ERBB4: variants seen among roughly 807,000 people sequenced by gnomAD.
ERBB4 encodes the protein receptor tyrosine-protein kinase erbB-4.
Under a neutral mutation model 158.0 loss-of-function variants are expected in ERBB4, and 42 were observed. The ratio of observed to expected loss-of-function variants is 0.27; its 90% CI spans 0.21 to 0.34. The LOEUF (loss-of-function observed/expected upper bound fraction) is 0.34. Ranked by LOEUF, ERBB4 falls within the 10% of genes least tolerant of loss-of-function variation. The pLI, the probability that ERBB4 is intolerant of heterozygous loss-of-function variation, is 1.00. For synonymous variants in ERBB4, 583 were observed against 558.7 expected, an observed-to-expected ratio of 1.04 and a Z score of -0.61; for missense variants, 1,333 against 1,624.1, an observed-to-expected ratio of 0.82 and a Z score of 3.08.
intron 3 of ERBB4, among the ~76,000 whole-genome samples, chr2:211,862,767 G>A (rs1304847000): frequency 1.3e-5 from 2 of 152,174 alleles, no homozygotes; most frequent in East Asian, 3.8e-4. Flanking sequence ...AAAATAAAGT[G>A]TGAGTAAGAT....
intron 3 of ERBB4, among the ~76,000 whole-genome samples, chr2:211,889,214 A>T (rs2078895721): frequency 6.9e-6 from 1 of 144,970 alleles, no homozygotes; most frequent in South Asian, 2.1e-4. Flanking sequence ...GAACCCGCAG[A>T]CTGCCTCCTC....
At chr2:212,467,938 A>G (rs1003567139) in intron 1 of ERBB4, among the ~76,000 whole-genome samples, 5 of 152,226 alleles carry the variant, frequency 3.3e-5, no homozygotes, top group Non-Finnish European at 7.3e-5. Flanking sequence ...TTGCATCAGC[A>G]TGACCTGGAT....
intron 20 of ERBB4, among the ~76,000 whole-genome samples, chr2:211,503,893 T>G (rs112295547): frequency 6.6e-6 from 1 of 152,234 alleles, no homozygotes; most frequent in Non-Finnish European, 1.5e-5. Flanking sequence ...GAGAGCCTGG[T>G]TGCAGGATTG....
At chr2:211,733,778 G>T (rs562010674) in intron 5 of ERBB4, among the ~76,000 whole-genome samples, 1 of 151,246 alleles carries the variant, frequency 6.6e-6, no homozygotes, top group Non-Finnish European at 1.5e-5. Context: ...ACTCAATTTT[G>T]CAATAAAAAT....
At chr2:212,402,522 C>CTG (rs1304121883) in intron 1 of ERBB4, among the ~76,000 whole-genome samples, 1 of 151,914 alleles carries the variant, frequency 6.6e-6, no homozygotes, top group African/African-American at 2.4e-5. Flanking sequence ...TGAATAAGAC[C>CTG]AGTAGATGGT....
At chr2:212,102,382 T>C (rs1559501347) in intron 2 of ERBB4, among the ~76,000 whole-genome samples, 1 of 151,832 alleles carries the variant, frequency 6.6e-6, no homozygotes, top group Non-Finnish European at 1.5e-5. Context: ...GACCATAACG[T>C]GTTGATATCT....
At chr2:211,439,208 G>A (rs932952355) in intron 20 of ERBB4, among the ~76,000 whole-genome samples, 29 of 152,258 alleles carry the variant, frequency 1.9e-4, no homozygotes, top group Non-Finnish European at 7.4e-5. Flanking sequence ...TTCCTGGACA[G>A]ACTTACAAAA....
chr2:212,102,559 G>A (rs13025159), intron 2 of ERBB4, among the ~76,000 whole-genome samples: 61,735 of 151,846 alleles, frequency 0.41, 13,366 homozygotes, highest in Non-Finnish European at 0.48. Context: ...TTTCTAAAAT[G>A]TCGTGTGATT....
intron 3 of ERBB4, among the ~76,000 whole-genome samples, chr2:211,902,769 T>TA (rs770637201): frequency 3.3e-5 from 5 of 151,802 alleles, no homozygotes; most frequent in Non-Finnish European, 7.4e-5. Flanking sequence ...TTTTGAACTA[T>TA]AAAAAATCAT....
chr2:211,571,033 CTCT>C (rs1232514090), intron 19 of ERBB4, among the ~76,000 whole-genome samples: 81 of 113,228 alleles, frequency 7.2e-4, no homozygotes, highest in Middle Eastern at 4.4e-3. Flanking sequence ...TCTCTGAGTA[CTCT>C]TCTTCTTTTT....
chr2:211,601,808 G>T (rs778728440), intron 19 of ERBB4, among the ~76,000 whole-genome samples: 1 of 151,954 alleles, frequency 6.6e-6, no homozygotes, highest in African/African-American at 2.4e-5. Flanking sequence ...AAAGAAGGGA[G>T]GTGGGATGGA....
intron 16 of ERBB4, among the ~76,000 whole-genome samples, chr2:211,638,623 T>C (rs2125889090): frequency 1.3e-5 from 2 of 152,256 alleles, no homozygotes; most frequent in African/African-American, 4.8e-5. Flanking sequence ...CTGTCCCCCT[T>C]CCTAAGCAAA....
chr2:211,693,966 G>C (rs929029041), intron 12 of ERBB4, among the ~76,000 whole-genome samples: 3 of 152,086 alleles, frequency 2.0e-5, no homozygotes, highest in African/African-American at 7.2e-5. Context: ...TCTTTCCTCT[G>C]AGTGGGTGTA....
intron 1 of ERBB4, among the ~76,000 whole-genome samples, chr2:212,386,883 C>G (rs529028016): frequency 6.6e-6 from 1 of 152,156 alleles, no homozygotes; most frequent in East Asian, 1.9e-4. Context: ...TATCTTCTTA[C>G]TGTTCCAATG....
At chr2:212,366,136 C>A (rs952561965) in intron 1 of ERBB4, among the ~76,000 whole-genome samples, 1 of 151,848 alleles carries the variant, frequency 6.6e-6, no homozygotes, top group African/African-American at 2.4e-5. Context: ...TTGGCAAAAT[C>A]TGCTCAGAGA....
At chr2:212,001,043 T>C (rs2076092270) in intron 2 of ERBB4, among the ~76,000 whole-genome samples, 1 of 152,064 alleles carries the variant, frequency 6.6e-6, no homozygotes, top group African/African-American at 2.4e-5. Flanking sequence ...ATATTTGTTT[T>C]TCTAATATGA....
intron 3 of ERBB4, among the ~76,000 whole-genome samples, chr2:211,922,024 A>T (rs2079870006): frequency 6.6e-6 from 1 of 152,096 alleles, no homozygotes; most frequent in Non-Finnish European, 1.5e-5. Flanking sequence ...CATTTTAAGG[A>T]CTATTTGAGG....
intron 12 of ERBB4, 23 bp downstream of exon 12, chr2:211,701,944 A>T (rs2106035126): frequency 6.4e-7 from 1 of 1,556,032 alleles, no homozygotes; most frequent in African/African-American, 1.4e-5. Context: ...TCTATGTTTT[A>T]AATGTCTGAG....
intron 14 of ERBB4, among the ~76,000 whole-genome samples, chr2:211,666,451 T>C (rs972484336): frequency 6.6e-6 from 1 of 152,136 alleles, no homozygotes; most frequent in Non-Finnish European, 1.5e-5. Flanking sequence ...GATATGAAAA[T>C]ATATCTAAAA....
Sources: gnomAD v4.1 joint callset for allele counts (sites outside exome capture counted in the v4.1 genomes callset) on GRCh38, gnomAD v4.1.1 for gene constraint, MANE v1.5 for transcripts, NCBI Gene and HGNC (gene_info 2026-07-23, HGNC 2026-07-21) for gene names.